Variants in HHIP observed in about 807,000 individuals in gnomAD.
HHIP encodes hedgehog-interacting protein.
In HHIP, 12 loss-of-function variants were observed where a neutral mutation model predicts 74.0. The ratio of observed to expected loss-of-function variants is 0.16; its 90% CI spans 0.10 to 0.26. The LOEUF (loss-of-function observed/expected upper bound fraction) is 0.26, where lower values mean the gene tolerates loss of function less well. Among genes scored for constraint, HHIP ranks in the 10% least tolerant of loss-of-function variants. The pLI is 1.00. For synonymous variants in HHIP, 309 were observed against 311.6 expected, an observed-to-expected ratio of 0.99 and a Z score of 0.09; for missense variants, 788 against 845.0, an observed-to-expected ratio of 0.93 and a Z score of 0.84.
intron 11 of HHIP, among the ~76,000 whole-genome samples, chr4:144,719,361 G>C (rs548329259): frequency 2.0e-5 from 3 of 152,310 alleles, no homozygotes; most frequent in East Asian, 1.9e-4. Context: ...TTTTTGTTAA[G>C]TAAACAGGTA....
At chr4:144,726,732 C>T (rs1430279812) in intron 11 of HHIP, among the ~76,000 whole-genome samples, 1 of 152,168 alleles carries the variant, frequency 6.6e-6, no homozygotes, top group Non-Finnish European at 1.5e-5. Context: ...GGAACATGCC[C>T]TCAGCCTAGC....
At chr4:144,675,384 C>T (rs1243218926) in intron 4 of HHIP, among the ~76,000 whole-genome samples, 3 of 151,834 alleles carry the variant, frequency 2.0e-5, no homozygotes, top group African/African-American at 4.8e-5. Flanking sequence ...GTCTTCATTA[C>T]GAGAAAGTTT....
chr4:144,736,231 G>A lies in HHIP; in HGVS notation c.1909+1342G>A, dbSNP rs142243061. On this transcript the variant is annotated intron_variant, in intron 12 of 12. Transcript: ENST00000296575. ...GCTCACCACAACCTCCACCTCCTGG[G>A]TTCAAGTGATTCTCCCGCCTCAGCT... is the stretch of plus-strand genomic sequence containing the variant. 1.3e-3 allele frequency among the ~76,000 whole-genome samples: 192 copies of A among 148,618 alleles called. 1 individual carries two copies. Among genetic ancestry groups the A allele is most frequent in the African/African-American group, 4.3e-3 (176 of 40,468 alleles).
chr4:144,691,097 C>T (rs1729648824), intron 4 of HHIP, among the ~76,000 whole-genome samples: 1 of 152,018 alleles, frequency 6.6e-6, no homozygotes, highest in South Asian at 2.1e-4. Flanking sequence ...TATTGAGGGG[C>T]TCCCAGACAA....
Position 144,659,623 on chromosome 4 carries a change from T to C in HHIP, c.630-14T>C. 6.9e-7 allele frequency: 1 copy of C among 1,446,010 alleles called. No individual in the cohort carries two copies. The highest frequency in any genetic ancestry group is 9.1e-7 in the Non-Finnish European group (1 of 1,097,876). The allele number at this position is 1,446,010 out of a possible 1,614,324, so 89.6% of individuals were successfully genotyped here. A position where few individuals can be genotyped will look rare whatever the true frequency, so the allele number is the denominator to read the frequency against. ...TCTCAAGAAAAGCTTACCGGTTTTC[T>C]TTAATTTGTTTAGAAAGCACAAACA... On this transcript the variant is annotated splice_polypyrimidine_tract_variant and intron_variant, in intron 3 of 12. Coordinates refer to ENST00000296575, the MANE Select transcript of HHIP (RefSeq NM_022475.3).
intron 4 of HHIP, among the ~76,000 whole-genome samples, chr4:144,694,251 T>C (rs1456298410): frequency 1.3e-5 from 2 of 151,854 alleles, no homozygotes; most frequent in Admixed American, 6.6e-5. Context: ...ATCTATTGCA[T>C]AACTCTTCAA....
In HHIP at chr4:144,742,350, A is replaced by G. The variant is rs1731281249; in HGVS notation, c.*4393A>G. The G allele has an allele frequency of 6.6e-6, 1 of 152,176 alleles. No homozygotes were observed. Among genetic ancestry groups the G allele is most frequent in the Admixed American group, 6.5e-5 (1 of 15,270 alleles). The allele number at this position is 152,176 out of a possible 1,614,324, so 9.4% of individuals were successfully genotyped here. On this transcript the variant is annotated 3_prime_UTR_variant, in exon 13 of 13. Coordinates refer to ENST00000296575, the MANE Select transcript of HHIP (RefSeq NM_022475.3). ...GCTGATCTATTACAATCATTGAAAG[A>G]AATAAGGAAGAGCAGAAATCACTAA...
At position 144,659,818 on chromosome 4, in the gene HHIP, C is replaced by T. The variant is rs1466265160; in HGVS notation, c.811C>T (p.Leu271Phe). ...GGAGCCTTATTTGGACATTCACAAA[C>T]TTGTTCAAAGTGGAATAAAGGTTGG... Reference protein sequence around the residue: ...FKEPYLDIHKLVQSGIKGGDE... With the variant: ...FKEPYLDIHKFVQSGIKGGDE... The change falls in exon 4 of 13, where the codon CTT (leucine) becomes TTT (phenylalanine). Residue 271 changes from leucine (L) to phenylalanine (F), a missense_variant. Transcript: ENST00000296575. 6.2e-7 allele frequency: 1 copy of T among 1,611,672 alleles called. No individual in the cohort carries two copies. The highest frequency in any genetic ancestry group is 1.3e-5 in the African/African-American group (1 of 74,804).
intron 4 of HHIP, among the ~76,000 whole-genome samples, chr4:144,669,328 C>T (rs976966317): frequency 3.3e-5 from 5 of 152,118 alleles, no homozygotes; most frequent in Non-Finnish European, 5.9e-5. Context: ...TTCTAAATCA[C>T]GTAACTTTCT....
chr4:144,680,489 T>C (rs1168749119), intron 4 of HHIP, among the ~76,000 whole-genome samples: 1 of 152,128 alleles, frequency 6.6e-6, no homozygotes, highest in African/African-American at 2.4e-5. Flanking sequence ...TTCTGTTTGA[T>C]CAAAAAACTG....
At chr4:144,675,844 T>C (rs1257330075) in intron 4 of HHIP, among the ~76,000 whole-genome samples, 1 of 152,216 alleles carries the variant, frequency 6.6e-6, no homozygotes, top group South Asian at 2.1e-4. Context: ...CCATAATCTC[T>C]TTGGTTTATA....
rs1406520165 is a variant in HHIP, at chr4:144,739,213, A to G, written c.*1256A>G. 2 of 152,240 alleles carry G rather than the reference A, an allele frequency of 1.3e-5. No individual in the cohort carries two copies. Among genetic ancestry groups the G allele is most frequent in the Non-Finnish European group, 2.9e-5 (2 of 68,042 alleles). The allele number at this position is 152,240 out of a possible 1,614,324, so 9.4% of individuals were successfully genotyped here. A position where few individuals can be genotyped will look rare whatever the true frequency, so the allele number is the denominator to read the frequency against. ...CTGTTCAGGGTTTTACAGAGATGACATGTTCTGACTTAAAACTGCAAAAAG... is the reference window on the plus strand; with the variant it reads ...CTGTTCAGGGTTTTACAGAGATGACGTGTTCTGACTTAAAACTGCAAAAAG... On this transcript the variant is annotated 3_prime_UTR_variant, in exon 13 of 13. Coordinates refer to ENST00000296575, the MANE Select transcript of HHIP (RefSeq NM_022475.3).
intron 4 of HHIP, among the ~76,000 whole-genome samples, chr4:144,686,746 A>T (rs965746678): frequency 2.6e-5 from 4 of 152,198 alleles, no homozygotes; most frequent in Non-Finnish European, 5.9e-5. Flanking sequence ...GGAAAGAAGG[A>T]GAAGAGAGAA....
At chr4:144,663,593 T>C (rs1424450264) in intron 4 of HHIP, among the ~76,000 whole-genome samples, 1 of 152,200 alleles carries the variant, frequency 6.6e-6, no homozygotes, top group African/African-American at 2.4e-5. Context: ...ATATTACTTA[T>C]CCAACTTGAG....
chr4:144,675,470 C>A (rs1014992781), intron 4 of HHIP, among the ~76,000 whole-genome samples: 1 of 151,796 alleles, frequency 6.6e-6, no homozygotes. Flanking sequence ...GGATTAAAAA[C>A]CCTTATTTGG....
chr4:144,705,120 T>C (rs1348021703), intron 4 of HHIP, among the ~76,000 whole-genome samples: 2 of 152,226 alleles, frequency 1.3e-5, no homozygotes, highest in Non-Finnish European at 1.5e-5. Flanking sequence ...AATATTTGTA[T>C]GTTCTGAAAG....
At chr4:144,737,694 G>T in intron 12 of HHIP, 70 bp from the exon 13 acceptor site, 17 of 1,294,800 alleles carry the variant, frequency 1.3e-5, no homozygotes, top group South Asian at 8.5e-5. Context: ...ATATTTGTTG[G>T]TCTCATGCTC....
intron 4 of HHIP, among the ~76,000 whole-genome samples, chr4:144,685,405 C>CTATA (rs1729459245): frequency 6.6e-6 from 1 of 152,194 alleles, no homozygotes; most frequent in East Asian, 1.9e-4. Flanking sequence ...ATTTCCTTAA[C>CTATA]TATACTATGT....
intron 1 of HHIP, among the ~76,000 whole-genome samples, 190 bp from the exon 2 acceptor site, chr4:144,652,415 C>A (rs1381930405): frequency 1.3e-5 from 2 of 152,020 alleles, no homozygotes; most frequent in African/African-American, 2.4e-5. Flanking sequence ...CTTTGTTCTC[C>A]CAGCCCAGCT....
Sources: allele counts gnomAD v4.1 joint callset (sites outside exome capture counted in the v4.1 genomes callset), GRCh38; gene constraint gnomAD v4.1.1; transcripts MANE v1.5; gene names NCBI Gene and HGNC (gene_info 2026-07-23, HGNC 2026-07-21).